The following FAM83D variants were observed in gnomAD, a reference collection of about 807,000 sequenced individuals.
The protein encoded by FAM83D is protein FAM83D.
In FAM83D, 26 loss-of-function variants were observed where a neutral mutation model predicts 25.4. The observed-to-expected ratio is 1.02, with a 90% CI of 0.75 to 1.42. The LOEUF is 1.42. FAM83D is among the 40% of genes most tolerant of loss of function. The probability of loss-of-function intolerance (pLI) is 0.00; values close to 1 mark genes in which losing one functional copy is unlikely to be tolerated. For synonymous variants in FAM83D, 310 were observed against 318.5 expected (o/e 0.97, Z 0.28); for missense variants, 740 against 758.1 (o/e 0.98, Z 0.28).
At chr20:38,936,076 T>C (rs899975180) in intron 1 of FAM83D, among the ~76,000 whole-genome samples, 1 of 152,114 alleles carries the variant, frequency 6.6e-6, no homozygotes, top group Non-Finnish European at 1.5e-5. Flanking sequence ...CAGGCTGACA[T>C]TGAGTGGGTG....
In FAM83D at chr20:38,926,752, G is replaced by A; in HGVS notation, c.310G>A (p.Glu104Lys). The change falls in exon 1 of 4, where the codon GAG (glutamate) becomes AAG (lysine). Residue 104 changes from glutamate to lysine, a missense_variant. This residue lies in a region of FAM83D where 333 missense variants were observed against 298.6 expected (regional missense o/e 1.12). Coordinates refer to ENST00000619850, the MANE Select transcript of FAM83D (RefSeq NM_030919.3). The part of the protein sequence containing the change: ...HDCSSGTYFP[E>K]QSDLEPPLLE... ...CTGCTCTTCGGGCACCTACTTCCCC[G>A]AGCAGTCGGACCTGGAGCCACCGCT... 6.5e-7 allele frequency: 1 copy of A among 1,539,166 alleles called. No homozygotes were observed. Among genetic ancestry groups the A allele is most frequent in the Non-Finnish European group, 8.7e-7 (1 of 1,149,150 alleles).
rs751029653 is a variant in FAM83D, at chr20:38,947,948, C to T, written c.724C>T (p.His242Tyr). 1 of 1,614,174 alleles carries T rather than the reference C, an allele frequency of 6.2e-7. No homozygotes were observed. The highest frequency in any genetic ancestry group is 8.5e-7 in the Non-Finnish European group (1 of 1,180,038). ...RSGTKIIGKV[H>Y]EKFTLIDGIR... is the part of the protein sequence containing the mutation. ...AGGAACTAAGATTATTGGGAAGGTT[C>T]ACGAAAAGTTCACGTTGATTGATGG... Residue 242 changes from histidine (H) to tyrosine (Y), a missense_variant, in exon 3 of 4, where the codon CAC becomes TAC. Physicochemically the swap from His to Tyr is moderately conservative, Grantham distance 83. This residue lies in a region of FAM83D where 32 missense variants were observed against 56.2 expected (regional missense o/e 0.57). Transcript: ENST00000619850.
At chr20:38,929,252 T>G (rs1262946584) in intron 1 of FAM83D, among the ~76,000 whole-genome samples, 1 of 152,016 alleles carries the variant, frequency 6.6e-6, no homozygotes, top group Non-Finnish European at 1.5e-5. Context: ...TGCTTACTCA[T>G]TGCCTGCTGT....
At chr20:38,932,180 G>A (rs1027322847) in intron 1 of FAM83D, among the ~76,000 whole-genome samples, 4 of 152,232 alleles carry the variant, frequency 2.6e-5, no homozygotes, top group Admixed American at 6.5e-5. Flanking sequence ...GAGGCCAGGA[G>A]TTTGAGACCA....
At chr20:38,941,874 C>G in intron 1 of FAM83D, 85 bp from the exon 2 acceptor site, 2 of 1,344,436 alleles carry the variant, frequency 1.5e-6, no homozygotes, top group Admixed American at 1.7e-5. Context: ...TTTCCCAGTT[C>G]TGAGTGGAGT....
At chr20:38,943,078 A>G (rs973741957) in intron 2 of FAM83D, among the ~76,000 whole-genome samples, 2 of 149,280 alleles carry the variant, frequency 1.3e-5, no homozygotes, top group Non-Finnish European at 3.0e-5. Context: ...AGGCTGGAGT[A>G]CAGTGGCCCA....
chr20:38,928,256 G>A (rs948389110), intron 1 of FAM83D, among the ~76,000 whole-genome samples: 2 of 152,206 alleles, frequency 1.3e-5, no homozygotes, highest in Admixed American at 1.3e-4. Context: ...TGTGGGTGAA[G>A]ATACCAGTGC....
At chr20:38,931,643 A>G (rs1422554564) in intron 1 of FAM83D, among the ~76,000 whole-genome samples, 2 of 152,198 alleles carry the variant, frequency 1.3e-5, no homozygotes, top group Non-Finnish European at 1.5e-5. Context: ...ATGTCTCTGG[A>G]AGGAGCCAGG....
rs78731662 is a variant in FAM83D at position 38,928,872 on chromosome 20, A to G, written c.483+1947A>G. Among the ~76,000 whole-genome samples, 63 of 152,222 alleles carry G rather than the reference A, an allele frequency of 4.1e-4. No individual in the cohort carries two copies. In the East Asian group the frequency reaches 0.011, roughly 27 times the overall value. On this transcript the variant is annotated intron_variant, in intron 1 of 3. Coordinates refer to ENST00000619850, the MANE Select transcript of FAM83D (RefSeq NM_030919.3). ...CAGTTTTAACTGAGAAAGGTGGTAC[A>G]TTACCTTTAAATCCAATGAGTATTG...
chr20:38,935,800 G>C (rs1008558865), intron 1 of FAM83D, among the ~76,000 whole-genome samples: 4 of 152,164 alleles, frequency 2.6e-5, no homozygotes, highest in Admixed American at 2.0e-4. Flanking sequence ...GTGCACACAA[G>C]CAAGTTTAGG....
At chr20:38,948,155 C>T (rs1981649694) in intron 3 of FAM83D, among the ~76,000 whole-genome samples, 155 bp downstream of exon 3, 1 of 152,194 alleles carries the variant, frequency 6.6e-6, no homozygotes, top group Middle Eastern at 3.2e-3. Flanking sequence ...ATCAAAGCCT[C>T]CTGTTAGAGG....
intron 2 of FAM83D, among the ~76,000 whole-genome samples, chr20:38,946,830 T>TC (rs11404705): frequency 0.14 from 21,028 of 152,256 alleles, 1,548 homozygotes; most frequent in Middle Eastern, 0.19. Flanking sequence ...TTTGGATATT[T>TC]CCAGTTTTTG....
intron 1 of FAM83D, among the ~76,000 whole-genome samples, chr20:38,935,151 A>G (rs1399469643): frequency 6.6e-6 from 1 of 152,224 alleles, no homozygotes; most frequent in East Asian, 1.9e-4. Flanking sequence ...GAAACTAAGT[A>G]TCTTTGAAAG....
chr20:38,940,464 C>T (rs1314380671), intron 1 of FAM83D, among the ~76,000 whole-genome samples: 2 of 152,176 alleles, frequency 1.3e-5, no homozygotes, highest in Non-Finnish European at 2.9e-5. Flanking sequence ...ATGACTCAAT[C>T]CCATTCAAGA....
chr20:38,952,161 ATG>A lies in FAM83D; in HGVS notation c.1401_1402del (p.Met467IlefsTer34). The part of the protein sequence containing the change: ...QSTEGSPVSK[M>X]SVSRSSSLKS... ...TACAGAAGGGTCACCAGTCTCAAAAATGTCTGTATCGAGATCTTCCAGTTTGA... is the reference window on the plus strand; with the variant it reads ...TACAGAAGGGTCACCAGTCTCAAAAATCTGTATCGAGATCTTCCAGTTTGA... On this transcript the variant is annotated frameshift_variant, in exon 4 of 4. Coordinates refer to ENST00000619850, the MANE Select transcript of FAM83D (RefSeq NM_030919.3). LOFTEE classifies it low-confidence loss of function (END_TRUNC). 1 of 1,614,158 alleles carries A rather than the reference ATG, an allele frequency of 6.2e-7. No homozygotes were observed. Among genetic ancestry groups the A allele is most frequent in the Non-Finnish European group, 8.5e-7 (1 of 1,180,026 alleles).
In FAM83D at chr20:38,934,982, A is replaced by C. The variant is rs187717287; in HGVS notation, c.484-6977A>C. ...CATGCTACCTTTTACCTATAGGGGG[A>C]TATAAGCACATATACATAGTTATAT... On this transcript the variant is annotated intron_variant, in intron 1 of 3. Transcript: ENST00000619850. Among the ~76,000 whole-genome samples, 46 of 152,318 alleles carry C rather than the reference A, an allele frequency of 3.0e-4. No individual in the cohort carries two copies. In the East Asian group the frequency reaches 6.9e-3, roughly 23 times the overall value.
intron 2 of FAM83D, 97 bp downstream of exon 2, chr20:38,942,223 A>G: frequency 7.5e-7 from 1 of 1,337,638 alleles, no homozygotes; most frequent in Non-Finnish European, 1.1e-6. Context: ...CCTGTTTACA[A>G]GGAAGGGACT....
In FAM83D at chr20:38,938,780, G is replaced by GCTA. The variant is rs143895638; in HGVS notation, c.484-3176_484-3174dup. On this transcript the variant is annotated intron_variant, in intron 1 of 3. Coordinates refer to ENST00000619850, the MANE Select transcript of FAM83D (RefSeq NM_030919.3). ...CTGCAACCCTCATTGCTTCTGCCGT[G>GCTA]CTACTGATTTGTCTTCATCTGGTCT... 8.5e-3 allele frequency among the ~76,000 whole-genome samples: 1,300 copies of GCTA among 152,192 alleles called. 15 individuals carry two copies. The highest frequency in any genetic ancestry group is 0.03 in the African/African-American group (1,240 of 41,514).
At position 38,938,522 on chromosome 20, in the gene FAM83D, G is replaced by A. The variant is rs111229540; in HGVS notation, c.484-3437G>A. Among the ~76,000 whole-genome samples, 137 of 152,324 alleles carry A rather than the reference G, an allele frequency of 9.0e-4. 3 individuals carry two copies. Among genetic ancestry groups the A allele is most frequent in the African/African-American group, 3.2e-3 (133 of 41,566 alleles). ...AAATCAGAGAGGCAAGCAGGTGTGT[G>A]CATTTTCCTCTTTAGCTTTCTCCTG... On this transcript the variant is annotated intron_variant, in intron 1 of 3. Coordinates refer to ENST00000619850, the MANE Select transcript of FAM83D (RefSeq NM_030919.3).
Sources: gnomAD v4.1 joint callset for allele counts (sites outside exome capture counted in the v4.1 genomes callset) on GRCh38, gnomAD v4.1.1 for gene constraint, gnomAD v4.1.1 regional missense constraint, MANE v1.5 for transcripts, NCBI Gene and HGNC (gene_info 2026-07-23, HGNC 2026-07-21) for gene names.